The following TTN variants were observed in gnomAD, a reference collection of about 807,000 sequenced individuals.
The protein encoded by TTN is connectin.
In TTN, 1,525 loss-of-function variants were observed where a neutral mutation model predicts 3,223.0. The observed-to-expected ratio is 0.47, with a 90% confidence interval of 0.45 to 0.49. The LOEUF is 0.49. TTN is among the 20% of genes least tolerant of loss of function. The pLI, the probability that TTN is intolerant of heterozygous loss-of-function variation, is 0.00. For missense variants in TTN, 40,786 were observed against 43,424.0 expected, an observed-to-expected ratio of 0.94 and a Z score of 5.40; for synonymous variants, 14,094 against 15,161.0, an observed-to-expected ratio of 0.93 and a Z score of 5.17.
At position 178,613,086 on chromosome 2, in the gene TTN, A is replaced by C. The variant is rs531475231; in HGVS notation, c.49649-14T>G. The C allele has an allele frequency of 4.3e-6, 7 of 1,612,328 alleles. No homozygotes were observed. The East Asian group carries it at 1.6e-4, about 36-fold the overall frequency. On this transcript the variant is annotated splice_polypyrimidine_tract_variant and intron_variant, in intron 264 of 362. Coordinates refer to ENST00000589042, the MANE Select transcript of TTN (RefSeq NM_001267550.2). ...GCCATGGAGGATCTGCAAGCCAATG[A>C]AATCATTGTTTAGGTTTGTCAAAAA...
rs1196611096 is a variant in TTN, at chr2:178,768,001, CA to C, written c.9305+12del. Reference sequence around the variant, plus strand: ...TGGGAATTACTGGAATGTAGCAAGACAAAACAACTGACCTGTCTGTGATCTG... The same window carrying C: ...TGGGAATTACTGGAATGTAGCAAGACAAACAACTGACCTGTCTGTGATCTG... On this transcript the variant is annotated intron_variant, in intron 39 of 362. Transcript: ENST00000589042. 1 of 1,614,092 alleles carries C rather than the reference CA, an allele frequency of 6.2e-7. No individual in the cohort carries two copies. The highest frequency in any genetic ancestry group is 1.7e-5 in the Admixed American group (1 of 60,008).
At chr2:178,591,578 T>C (rs2050210563) in intron 303 of TTN, 21 bp downstream of exon 303, 1 of 1,605,722 alleles carries the variant, frequency 6.2e-7, no homozygotes, top group South Asian at 1.1e-5. Flanking sequence ...AATAAGGTAA[T>C]ACTGCTAGTC....
chr2:178,757,205 C>CTTAAAGTAAGTACAGTA (rs2087450641), intron 45 of TTN, among the ~76,000 whole-genome samples: 1 of 152,124 alleles, frequency 6.6e-6, no homozygotes, highest in African/African-American at 2.4e-5. Flanking sequence ...TAATACTGTA[C>CTTAAAGTAAGTACAGTA]TTACTTTAAG....
chr2:178,709,572 T>G lies in TTN; in HGVS notation c.28747A>C (p.Ile9583Leu). Residue 9583 changes from isoleucine (I) to leucine (L), a missense_variant, in exon 99 of 363, where the codon ATC becomes CTC. Transcript: ENST00000589042. ...GSALCTSSIV[I>L]KEPKKPPVFD... ...GGCTGTGAGGATAACTCACCTTTGA[T>G]GACGATTGAAGACGTGCACAGAGCA... 6.2e-7 allele frequency: 1 copy of G among 1,602,980 alleles called. No individual in the cohort carries two copies. The highest frequency in any genetic ancestry group is 1.1e-5 in the South Asian group (1 of 90,778).
In TTN at chr2:178,595,668, C is replaced by T. The variant is rs778237029; in HGVS notation, c.57686G>A (p.Arg19229Lys). The T allele has an allele frequency of 5.0e-6, 8 of 1,608,566 alleles. No homozygotes were observed. The highest frequency in any genetic ancestry group is 5.9e-6 in the Non-Finnish European group (7 of 1,177,478). ...TGTATATGTCACTGGGGTCCATGCT[C>T]TGCGGTCAGATTCACGCTTTTCAAT... ...YVIEKRESDR[R>K]AWTPVTYTVT... is the part of the protein sequence containing the mutation. Residue 19229 changes from arginine (R) to lysine (K), a missense_variant, in exon 295 of 363, where the codon AGA becomes AAA. By Grantham distance (26) the Arg-to-Lys change is conservative. Coordinates refer to ENST00000589042, the MANE Select transcript of TTN (RefSeq NM_001267550.2).
chr2:178,536,608 A>T (rs1161410473), intron 356 of TTN, 33 bp from the exon 357 acceptor site: 9 of 1,460,832 alleles, frequency 6.2e-6, no homozygotes, highest in Non-Finnish European at 8.1e-6. Context: ...GAGTCATGAG[A>T]TGAAACAGGC....
In TTN at chr2:178,679,916, C is replaced by A. The variant is rs1389245451; in HGVS notation, c.33558G>T (p.Val11186=). ...EEEEFITEEE[V]VPVIPVKVPE... is the part of the protein sequence containing the mutation. ...TACCTTTGACTGGTATCACTGGCAC[C>A]ACTTCTTCCTCAGTTATGAACTCCT... Residue 11186 remains valine, a synonymous_variant, in exon 140 of 363, where the codon GTG becomes GTT. Transcript: ENST00000589042. The A allele has an allele frequency of 1.2e-6, 2 of 1,613,074 alleles. No homozygotes were observed. Among genetic ancestry groups the A allele is most frequent in the South Asian group, 1.1e-5 (1 of 91,006 alleles).
Position 178,575,861 on chromosome 2 carries a change from T to G in TTN, c.70271A>C (p.Lys23424Thr). ...VMTIENPAGK[K>T]SGFVNVRVLD... is the part of the protein sequence containing the mutation. ...GACTCTGACGTTCACAAAGCCACTT[T>G]TCTTCCCAGCCGGGTTTTCAATGGT... Residue 23424 changes from lysine (K) to threonine (T), a missense_variant, in exon 326 of 363, where the codon AAA (lysine) becomes ACA (threonine). Coordinates refer to ENST00000589042, the MANE Select transcript of TTN (RefSeq NM_001267550.2). The surrounding 1 kb of genome is among the most constrained non-coding windows in gnomAD (Gnocchi z 4.0). 6.2e-7 allele frequency: 1 copy of G among 1,613,558 alleles called. No homozygotes were observed. The highest frequency in any genetic ancestry group is 8.5e-7 in the Non-Finnish European group (1 of 1,179,608).
chr2:178,789,932 A>G (rs540772068), intron 12 of TTN, 46 bp downstream of exon 12: 75 of 1,609,984 alleles, frequency 4.7e-5, no homozygotes, highest in Non-Finnish European at 5.3e-5. Flanking sequence ...TTTACTAGAA[A>G]TTAGTTTAAA....
At position 178,782,383 on chromosome 2, in the gene TTN, G is replaced by A; in HGVS notation, c.3209C>T (p.Thr1070Ile). The A allele has an allele frequency of 1.2e-6, 2 of 1,614,074 alleles. No homozygotes were observed. Among genetic ancestry groups the A allele is most frequent in the Non-Finnish European group, 8.5e-7 (1 of 1,179,994 alleles). ...RDVVMTDTSL[T>I]EEQAGPGEPA... ...TTCTCCAGGCCCTGCTTGTTCCTCT[G>A]TGAGGCTAGTATCAGTCATAACCAC... Residue 1070 changes from threonine (T) to isoleucine (I), a missense_variant, in exon 20 of 363, where the codon ACA becomes ATA. By Grantham distance (89) the Thr-to-Ile change is moderately conservative. Transcript: ENST00000589042.
rs779755661 is a variant in TTN at position 178,593,574 on chromosome 2, G to C, written c.58726C>G (p.Arg19576Gly). ...LVSDSMKAKD[R>G]FRVPDAPDQP... ...AAAGAAACATAATGCATACTGAAAC[G>C]ATCTTTGGCTTTCATTGAATCAGAC... is the stretch of plus-strand genomic sequence containing the variant. The change falls in exon 298 of 363, where the codon CGT (arginine) becomes GGT (glycine). Residue 19576 changes from arginine (R) to glycine (G), a missense_variant. Coordinates refer to ENST00000589042, the MANE Select transcript of TTN (RefSeq NM_001267550.2). The C allele has an allele frequency of 3.1e-6, 5 of 1,611,388 alleles. No individual in the cohort carries two copies. In the South Asian group the frequency reaches 5.5e-5, roughly 18 times the overall value.
Position 178,727,788 on chromosome 2 carries a change from A to G in TTN, c.19790T>C (p.Leu6597Pro), listed in dbSNP as rs745676008. The G allele has an allele frequency of 2.4e-5, 38 of 1,613,108 alleles. No homozygotes were observed. Among genetic ancestry groups the G allele is most frequent in the Non-Finnish European group, 3.2e-5 (38 of 1,179,358 alleles). ...PDSTVEFKAI[L>P]KGTPPFKIKW... ...TATTTTAAATGGTGGTGTTCCTTTT[A>G]GTATTGCCTTAAATTCCACTGTAGA... The change falls in exon 68 of 363, where the codon CTA becomes CCA. Residue 6597 changes from leucine to proline, a missense_variant. By Grantham distance (98) the Leu-to-Pro change is moderately conservative (BLOSUM62 -3). Transcript: ENST00000589042.
chr2:178,695,902 T>C lies in TTN; in HGVS notation c.31170A>G (p.Glu10390=). The change falls in exon 114 of 363, where the codon GAA becomes GAG. Residue 10390 remains glutamate (E), a synonymous_variant. Coordinates refer to ENST00000589042, the MANE Select transcript of TTN (RefSeq NM_001267550.2). ...CCTTTTGAACTTGAATTACTTCCCT[T>C]TCTTGGTAAGCCTCTTCCCACTCTT... is the stretch of plus-strand genomic sequence containing the variant. ...GEEEWEEAYQ[E]REVIQVQKEV... is the part of the protein sequence containing the mutation. 6.8e-7 allele frequency: 1 copy of C among 1,464,104 alleles called. No individual in the cohort carries two copies. Among genetic ancestry groups the C allele is most frequent in the East Asian group, 2.5e-5 (1 of 40,270 alleles). 90.7% of individuals were successfully genotyped at this position (1,464,104 alleles called of 1,614,324 possible).
rs1376195366 is a variant in TTN, at chr2:178,534,878, C to T, written c.101737G>A (p.Glu33913Lys). 3 of 1,608,638 alleles carry T rather than the reference C, an allele frequency of 1.9e-6. No homozygotes were observed. Among genetic ancestry groups the T allele is most frequent in the Non-Finnish European group, 2.5e-6 (3 of 1,179,798 alleles). ...RINTSAFELN[E>K]REIVSYVHQV... Reference sequence around the variant, plus strand: ...TGAACATAACTTACAATTTCTCTTTCATTAAGTTCAAAAGCACTTGTGTTA... The same window carrying T: ...TGAACATAACTTACAATTTCTCTTTTATTAAGTTCAAAAGCACTTGTGTTA... Residue 33913 changes from glutamate (E) to lysine (K), a missense_variant, in exon 358 of 363, where the codon GAA becomes AAA. Transcript: ENST00000589042.
rs1286374265 is a variant in TTN, at chr2:178,681,688, T to C, written c.33145A>G (p.Thr11049Ala). The C allele has an allele frequency of 1.2e-6, 2 of 1,605,918 alleles. No homozygotes were observed. Among genetic ancestry groups the C allele is most frequent in the Non-Finnish European group, 8.5e-7 (1 of 1,177,796 alleles). ...VKPVPEEPVP[T>A]KPKAPPAKVL... ...TTAGCCGGTGGGGCCTTTGGTTTTGTGGGAACTGGTTCTTCTGGGACAGGC... is the reference window on the plus strand; with the variant it reads ...TTAGCCGGTGGGGCCTTTGGTTTTGCGGGAACTGGTTCTTCTGGGACAGGC... Residue 11049 changes from threonine (T) to alanine (A), a missense_variant, in exon 136 of 363, where the codon ACA becomes GCA. Transcript: ENST00000589042.
intron 111 of TTN, among the ~76,000 whole-genome samples, chr2:178,699,962 A>G (rs1474594481): frequency 0.011 from 1,344 of 123,366 alleles, no homozygotes; most frequent in Middle Eastern, 0.094. Context: ...TGATCCGCCC[A>G]CCTCGGCCTC....
rs764483615 is a variant in TTN at position 178,689,151 on chromosome 2, T to G, written c.32012-15A>C. On this transcript the variant is annotated splice_polypyrimidine_tract_variant and intron_variant, in intron 124 of 362. Transcript: ENST00000589042. Reference sequence around the variant, plus strand: ...CAGAGCTGGCACTTTAGAGACATTATGCACTTTTAGAAATTTAATGTGATC... The same window carrying G: ...CAGAGCTGGCACTTTAGAGACATTAGGCACTTTTAGAAATTTAATGTGATC... The G allele has an allele frequency of 6.2e-7, 1 of 1,600,326 alleles. No individual in the cohort carries two copies. The highest frequency in any genetic ancestry group is 1.1e-5 in the South Asian group (1 of 87,730).
chr2:178,783,012 T>G lies in TTN; in HGVS notation c.2894A>C (p.His965Pro). The change falls in exon 18 of 363, where the codon CAC becomes CCC. Residue 965 changes from histidine (H) to proline (P), a missense_variant. Transcript: ENST00000589042. ...TGTCGGGGATGGGTATCCAGAGATG[T>G]GGCACTCCAAGGTGACAGATTCACC... ...IEGESVTLEC[H>P]ISGYPSPTVT... The G allele has an allele frequency of 6.2e-7, 1 of 1,614,176 alleles. No individual in the cohort carries two copies. Among genetic ancestry groups the G allele is most frequent in the South Asian group, 1.1e-5 (1 of 91,088 alleles).
chr2:178,583,225 G>A lies in TTN; in HGVS notation c.65578C>T (p.Pro21860Ser). The change falls in exon 313 of 363, where the codon CCT becomes TCT. Residue 21860 changes from proline to serine, a missense_variant and splice_region_variant. By Grantham distance (74) the Pro-to-Ser change is moderately conservative. Transcript: ENST00000589042. ...GCCACACTCAGGTCTATCCTGGGAG[G>A]GACTGGAAAGAAATAAGATAAAGGA... ...DPVTILAENV[P>S]PRIDLSVAMK... 6.4e-7 allele frequency: 1 copy of A among 1,564,722 alleles called. No homozygotes were observed. Among genetic ancestry groups the A allele is most frequent in the South Asian group, 1.2e-5 (1 of 82,062 alleles).
Sources: gnomAD v4.1 joint callset for allele counts (sites outside exome capture counted in the v4.1 genomes callset) on GRCh38, gnomAD v4.1.1 for gene constraint, Gnocchi (gnomAD v3.1) non-coding constraint, MANE v1.5 for transcripts, NCBI Gene and HGNC (gene_info 2026-07-23, HGNC 2026-07-21) for gene names.